Variants in DDAH1 observed in about 807,000 individuals in gnomAD.
DDAH1 encodes the protein dimethylarginine dimethylaminohydrolase 1.
In DDAH1, 19 loss-of-function variants were observed where a neutral mutation model predicts 28.8. That is an observed-to-expected ratio of 0.66 (90% CI 0.46 to 0.97). The LOEUF is 0.97. Among genes scored for constraint, DDAH1 ranks in the 50% least tolerant of loss-of-function variants. The pLI is 0.00. For missense variants in DDAH1, 326 were observed against 375.9 expected, an observed-to-expected ratio of 0.87 and a Z score of 1.10; for synonymous variants, 153 against 154.4, an observed-to-expected ratio of 0.99 and a Z score of 0.07.
At chr1:85,351,641 T>C in intron 2 of DDAH1, 62 bp from the exon 3 acceptor site, 1 of 1,243,480 alleles carries the variant, frequency 8.0e-7, no homozygotes, top group Non-Finnish European at 1.2e-6. Context: ...ATCATTTCTT[T>C]TATCTATAAA....
At chr1:85,333,181 C>T (rs539614681) in intron 4 of DDAH1, among the ~76,000 whole-genome samples, 27 of 152,226 alleles carry the variant, frequency 1.8e-4, no homozygotes, top group African/African-American at 2.7e-4. Context: ...CTACTAACAA[C>T]GGCAGCCTAC....
At chr1:85,370,222 G>A (rs1270537469) in intron 1 of DDAH1, among the ~76,000 whole-genome samples, 1 of 152,192 alleles carries the variant, frequency 6.6e-6, no homozygotes, top group East Asian at 1.9e-4. Context: ...AAGGCCATGT[G>A]AAGACACAGA....
At chr1:85,363,851 C>T (rs1163381220) in intron 1 of DDAH1, among the ~76,000 whole-genome samples, 1 of 149,964 alleles carries the variant, frequency 6.7e-6, no homozygotes, top group Non-Finnish European at 1.5e-5. Flanking sequence ...CATTTTCACA[C>T]ATATTTTGTC....
chr1:85,550,832 T>C (rs946627714), intron 1 of DDAH1, among the ~76,000 whole-genome samples: 2 of 152,174 alleles, frequency 1.3e-5, no homozygotes, highest in African/African-American at 4.8e-5. Flanking sequence ...AGACGTGTCA[T>C]CTATCTGCTC....
At chr1:85,459,429 T>C (rs1655035246) in intron 1 of DDAH1, among the ~76,000 whole-genome samples, 1 of 152,206 alleles carries the variant, frequency 6.6e-6, no homozygotes, top group Non-Finnish European at 1.5e-5. Flanking sequence ...AGAGACTACA[T>C]TATTGGATGC....
chr1:85,445,079 G>A (rs1190291917), intron 1 of DDAH1, among the ~76,000 whole-genome samples: 5 of 152,260 alleles, frequency 3.3e-5, no homozygotes, highest in East Asian at 1.9e-4. Context: ...TTTTCAGCCT[G>A]TTTATATTCT....
At chr1:85,357,906 C>T (rs1649573230) in intron 2 of DDAH1, among the ~76,000 whole-genome samples, 1 of 152,180 alleles carries the variant, frequency 6.6e-6, no homozygotes, top group Non-Finnish European at 1.5e-5. Context: ...ACTGTAAAAA[C>T]TGACTCCAGT....
intron 1 of DDAH1, among the ~76,000 whole-genome samples, chr1:85,391,080 T>A (rs1483900418): frequency 6.6e-6 from 1 of 152,194 alleles, no homozygotes; most frequent in Non-Finnish European, 1.5e-5. Flanking sequence ...AAGTTACAAA[T>A]GTGAGATATC....
chr1:85,575,368 G>A (rs1024494388), intron 1 of DDAH1, among the ~76,000 whole-genome samples: 1 of 152,184 alleles, frequency 6.6e-6, no homozygotes, highest in Admixed American at 6.5e-5. Flanking sequence ...ACTCCTACCA[G>A]GCCAAGCCTT....
chr1:85,403,054 G>T (rs534709175), intron 1 of DDAH1, among the ~76,000 whole-genome samples: 1 of 152,060 alleles, frequency 6.6e-6, no homozygotes, highest in African/African-American at 2.4e-5. Context: ...AGGGATCTGT[G>T]TGTGTTGGCT....
chr1:85,462,132 A>G (rs943318465), intron 1 of DDAH1, among the ~76,000 whole-genome samples: 4 of 152,248 alleles, frequency 2.6e-5, no homozygotes, highest in Non-Finnish European at 4.4e-5. Context: ...AATAATAGTG[A>G]TAACAGTAAG....
intron 1 of DDAH1, among the ~76,000 whole-genome samples, chr1:85,422,266 T>C (rs1239199007): frequency 2.0e-5 from 3 of 152,212 alleles, no homozygotes; most frequent in Non-Finnish European, 4.4e-5. Context: ...TTCTTATTGC[T>C]GTGTTTTAAG....
chr1:85,479,159 CTTTTTTTTT>C (rs35629726), intron 2 of DDAH1, among the ~76,000 whole-genome samples: 14 of 78,652 alleles, frequency 1.8e-4, no homozygotes, highest in African/African-American at 5.9e-4. Flanking sequence ...TTCTGTTTTT[CTTTTTTTTT>C]TTTTTTTTTT....
At chr1:85,413,571 G>T (rs760963972) in intron 1 of DDAH1, among the ~76,000 whole-genome samples, 12 of 152,148 alleles carry the variant, frequency 7.9e-5, no homozygotes, top group Non-Finnish European at 1.5e-4. Flanking sequence ...AAGATCCTGA[G>T]GTAGTTTATA....
upstream of DDAH1, among the ~76,000 whole-genome samples, chr1:85,467,889 T>A (rs757814660): frequency 1.3e-5 from 2 of 152,122 alleles, no homozygotes; most frequent in African/African-American, 4.8e-5. Context: ...GAACAAGACA[T>A]CCAGAATTGG....
intron 1 of DDAH1, among the ~76,000 whole-genome samples, chr1:85,422,529 G>A (rs553894466): frequency 5.9e-5 from 9 of 152,190 alleles, no homozygotes; most frequent in Admixed American, 3.9e-4. Context: ...TTTTAGTTTT[G>A]CATTTTACGT....
intron 4 of DDAH1, among the ~76,000 whole-genome samples, chr1:85,343,195 G>C (rs543931357): frequency 6.6e-6 from 1 of 152,096 alleles, no homozygotes; most frequent in South Asian, 2.1e-4. Context: ...AAGCCCAAAA[G>C]GAAAAAAAAG....
At chr1:85,553,718 C>T (rs1486452606) in intron 1 of DDAH1, among the ~76,000 whole-genome samples, 1 of 152,182 alleles carries the variant, frequency 6.6e-6, no homozygotes, top group Non-Finnish European at 1.5e-5. Flanking sequence ...TGTATGAATC[C>T]ACTGCATCTG....
chr1:85,464,776 G>T lies in DDAH1; in HGVS notation c.270C>A (p.Ile90=). ...VAVVCEETAL[I]TRPGAPSRRK... is the part of the protein sequence containing the mutation. ...TCCGGCTCGGCGCCCCGGGTCGGGT[G>T]ATGAGGGCCGTCTCCTCGCACACCA... is the stretch of plus-strand genomic sequence containing the variant. Residue 90 remains isoleucine (I), a synonymous_variant, in exon 1 of 6, where the codon ATC becomes ATA. Coordinates refer to ENST00000284031, the MANE Select transcript of DDAH1 (RefSeq NM_012137.4). This position sits in a 1 kb window ranked among gnomAD's most constrained non-coding sequence, Gnocchi z 4.4. The T allele has an allele frequency of 6.4e-7, 1 of 1,574,290 alleles. No individual in the cohort carries two copies.
Sources: gnomAD v4.1 joint callset for allele counts (sites outside exome capture counted in the v4.1 genomes callset) on GRCh38, gnomAD v4.1.1 for gene constraint, Gnocchi (gnomAD v3.1) non-coding constraint, MANE v1.5 for transcripts, NCBI Gene and HGNC (gene_info 2026-07-23, HGNC 2026-07-21) for gene names.